The following NLGN1 variants were observed in gnomAD, a reference collection of about 807,000 sequenced individuals.
NLGN1 encodes neuroligin-1.
Under a neutral mutation model 65.5 loss-of-function variants are expected in NLGN1, and 12 were observed. The observed-to-expected ratio is 0.18, with a 90% CI of 0.12 to 0.30. The LOEUF is 0.30. Ranked by LOEUF, NLGN1 falls within the 10% of genes least tolerant of loss-of-function variation. The probability of loss-of-function intolerance (pLI) is 1.00; values close to 1 mark genes in which losing one functional copy is unlikely to be tolerated. For missense variants in NLGN1, 750 were observed against 1,007.1 expected (o/e 0.74, Z 3.46); for synonymous variants, 350 against 359.5 (o/e 0.97, Z 0.30).
chr3:174,154,477 G>A (rs905352542), intron 4 of NLGN1, among the ~76,000 whole-genome samples: 6 of 152,108 alleles, frequency 3.9e-5, no homozygotes, highest in African/African-American at 1.4e-4. Context: ...AAGTTTTTAT[G>A]AAGGAATATT....
intron 4 of NLGN1, among the ~76,000 whole-genome samples, chr3:174,211,977 C>G (rs1381870691): frequency 6.6e-6 from 1 of 152,194 alleles, no homozygotes; most frequent in Non-Finnish European, 1.5e-5. Flanking sequence ...GCTCGTACTC[C>G]TCAGCCCTTG....
At chr3:173,756,598 C>T (rs1226691487) in intron 3 of NLGN1, among the ~76,000 whole-genome samples, 1 of 151,642 alleles carries the variant, frequency 6.6e-6, no homozygotes, top group Non-Finnish European at 1.5e-5. Context: ...AAAGCAGAAG[C>T]AGTGAGCATA....
intron 4 of NLGN1, among the ~76,000 whole-genome samples, chr3:173,878,479 C>T (rs902818370): frequency 6.6e-6 from 1 of 151,872 alleles, no homozygotes; most frequent in South Asian, 2.1e-4. Flanking sequence ...TATAAGACTT[C>T]GTATAATCAA....
At chr3:173,605,908 T>C (rs1224487092) in intron 3 of NLGN1, among the ~76,000 whole-genome samples, 1 of 152,066 alleles carries the variant, frequency 6.6e-6, no homozygotes, top group Non-Finnish European at 1.5e-5. Flanking sequence ...ACCAAAACAA[T>C]GCTGTCTTAG....
chr3:173,675,004 A>C (rs1305286997), intron 3 of NLGN1, among the ~76,000 whole-genome samples: 1 of 152,044 alleles, frequency 6.6e-6, no homozygotes, highest in Non-Finnish European at 1.5e-5. Context: ...AAATTATGTC[A>C]ATCAGTGTGG....
rs116678228 is a variant in NLGN1 at position 173,526,065 on chromosome 3, G to A, written c.-320-78214G>A. Among the ~76,000 whole-genome samples the A allele has an allele frequency of 1.0e-3, 155 of 152,216 alleles. 1 individual carries two copies. The highest frequency in any genetic ancestry group is 6.8e-3 in the Middle Eastern group (2 of 294). The stretch of plus-strand genomic sequence containing the variant: ...TGTACCATGCACAAATGAGCAAAAT[G>A]TATATTCTGTTGTTGTTGGGGAGAA... On this transcript the variant is annotated intron_variant, in intron 2 of 6. Transcript: ENST00000457714.
At chr3:173,757,127 C>G (rs1022411120) in intron 3 of NLGN1, among the ~76,000 whole-genome samples, 3 of 151,852 alleles carry the variant, frequency 2.0e-5, no homozygotes. Flanking sequence ...GATGCTGCAA[C>G]TAAGAAAAAT....
intron 1 of NLGN1, among the ~76,000 whole-genome samples, chr3:173,413,574 T>TG (rs1713052741): frequency 6.6e-6 from 1 of 151,764 alleles, no homozygotes; most frequent in African/African-American, 2.4e-5. Context: ...TACTCCAGCC[T>TG]GGGTGACAGA....
intron 4 of NLGN1, among the ~76,000 whole-genome samples, chr3:174,073,998 G>A (rs761994839): frequency 3.3e-5 from 5 of 152,118 alleles, no homozygotes; most frequent in Non-Finnish European, 7.4e-5. Flanking sequence ...ATATAAATGT[G>A]GAGAATGGTT....
intron 1 of NLGN1, among the ~76,000 whole-genome samples, chr3:173,416,534 A>G (rs750169893): frequency 2.0e-5 from 3 of 152,014 alleles, no homozygotes; most frequent in Non-Finnish European, 4.4e-5. Flanking sequence ...TTTCTAAAAG[A>G]CTCCGTGTTT....
chr3:174,110,394 C>A (rs1714926893), intron 4 of NLGN1, among the ~76,000 whole-genome samples: 1 of 151,864 alleles, frequency 6.6e-6, no homozygotes, highest in Admixed American at 6.6e-5. Context: ...TGTATTTTTT[C>A]AGGTAAGATT....
At chr3:174,174,364 T>C (rs1412236219) in intron 4 of NLGN1, among the ~76,000 whole-genome samples, 1 of 152,132 alleles carries the variant, frequency 6.6e-6, no homozygotes, top group Non-Finnish European at 1.5e-5. Flanking sequence ...GATCAAATGG[T>C]AGTTCTACTT....
At chr3:174,133,205 G>A (rs950038680) in intron 4 of NLGN1, among the ~76,000 whole-genome samples, 1 of 152,178 alleles carries the variant, frequency 6.6e-6, no homozygotes, top group Non-Finnish European at 1.5e-5. Context: ...GTAGGAAGGG[G>A]AGAAATGTAA....
chr3:174,086,549 T>C (rs1490614039), intron 4 of NLGN1, among the ~76,000 whole-genome samples: 1 of 151,418 alleles, frequency 6.6e-6, no homozygotes, highest in Non-Finnish European at 1.5e-5. Flanking sequence ...CAGAAAAGAA[T>C]ACGAGTTTTA....
chr3:174,275,691 C>T (rs1040541233), intron 5 of NLGN1, among the ~76,000 whole-genome samples, 164 bp downstream of exon 5: 2 of 151,816 alleles, frequency 1.3e-5, no homozygotes, highest in Non-Finnish European at 2.9e-5. Context: ...TTTAAATTTT[C>T]GTCAAACTCT....
chr3:174,053,629 T>A (rs1167601644), intron 4 of NLGN1, among the ~76,000 whole-genome samples: 1 of 152,020 alleles, frequency 6.6e-6, no homozygotes, highest in Non-Finnish European at 1.5e-5. Context: ...GGTGCTAGCA[T>A]TGAACAGTTG....
intron 1 of NLGN1, among the ~76,000 whole-genome samples, chr3:173,419,933 AT>A (rs1714660864): frequency 6.6e-6 from 1 of 151,966 alleles, no homozygotes; most frequent in Non-Finnish European, 1.5e-5. Context: ...AGATCGCACC[AT>A]TGCACTCCAG....
intron 2 of NLGN1, among the ~76,000 whole-genome samples, chr3:173,546,983 T>C (rs1044481477): frequency 4.6e-5 from 7 of 152,170 alleles, no homozygotes; most frequent in Non-Finnish European, 1.0e-4. Context: ...TGCCCTCTTA[T>C]TATAAGTCCC....
intron 4 of NLGN1, among the ~76,000 whole-genome samples, chr3:174,203,850 A>T (rs1384441400): frequency 2.6e-5 from 4 of 152,210 alleles, no homozygotes; most frequent in African/African-American, 7.2e-5. Flanking sequence ...ATTCCTTATT[A>T]AAAAAAGATT....
Sources: allele counts gnomAD v4.1 joint callset (sites outside exome capture counted in the v4.1 genomes callset), GRCh38; gene constraint gnomAD v4.1.1; transcripts MANE v1.5; gene names NCBI Gene and HGNC (gene_info 2026-07-23, HGNC 2026-07-21).